LINGO2: variants seen among roughly 807,000 people sequenced by gnomAD.
LINGO2 encodes the protein leucine rich repeat and Ig domain containing 2.
LINGO2 carries 14 observed loss-of-function variants against 30.6 expected under a neutral mutation model. The observed-to-expected ratio is 0.46, with a 90% CI of 0.30 to 0.72. The LOEUF (loss-of-function observed/expected upper bound fraction) is 0.72. Among genes scored for constraint, LINGO2 ranks in the 30% least tolerant of loss-of-function variants. The pLI, the probability that LINGO2 is intolerant of heterozygous loss-of-function variation, is 0.07. For missense variants in LINGO2, 729 were observed against 751.7 expected, an observed-to-expected ratio of 0.97 and a Z score of 0.35; for synonymous variants, 317 against 288.5, an observed-to-expected ratio of 1.10 and a Z score of -1.00.
chr9:28,338,007 G>A (rs943333554), intron 3 of LINGO2, among the ~76,000 whole-genome samples: 4 of 152,106 alleles, frequency 2.6e-5, no homozygotes, highest in Non-Finnish European at 5.9e-5. Flanking sequence ...ACCCCAGAAT[G>A]GTATATCCAC....
At chr9:28,884,924 TATA>T in the LINGO2 span, among the ~76,000 whole-genome samples, 140 of 4,108 alleles carry the variant, frequency 0.034, 11 homozygotes, top group South Asian at 0.061. Flanking sequence ...AGATACTATA[TATA>T]ATATTATATA....
At chr9:27,953,526 G>A in intron 5 of LINGO2, among the ~76,000 whole-genome samples, 1 of 151,890 alleles carries the variant, frequency 6.6e-6, no homozygotes, top group East Asian at 1.9e-4. Context: ...CACATGTTGT[G>A]GGAGGTAACT....
chr9:28,414,078 A>AG (rs1204917079), intron 2 of LINGO2, among the ~76,000 whole-genome samples: 1 of 152,034 alleles, frequency 6.6e-6, no homozygotes, highest in Non-Finnish European at 1.5e-5. Context: ...TTTTTAAAAA[A>AG]TATTTTTGAC....
At chr9:29,182,361 T>C in the LINGO2 span, among the ~76,000 whole-genome samples, 8 of 152,094 alleles carry the variant, frequency 5.3e-5, no homozygotes, top group Admixed American at 3.9e-4. Flanking sequence ...TTAGGTATGG[T>C]AAGATTTAAG....
intron 2 of LINGO2, among the ~76,000 whole-genome samples, chr9:28,383,332 A>T (rs971063863): frequency 2.6e-5 from 4 of 151,740 alleles, no homozygotes; most frequent in Middle Eastern, 6.3e-3. Flanking sequence ...ATATCTGTAT[A>T]TAGTCCCTCT....
At chr9:28,305,651 T>A (rs1328627522) in intron 3 of LINGO2, among the ~76,000 whole-genome samples, 1 of 152,050 alleles carries the variant, frequency 6.6e-6, no homozygotes, top group Non-Finnish European at 1.5e-5. Flanking sequence ...GATGACTCTT[T>A]CACAACGTAC....
At chr9:28,515,821 A>T (rs1820598801) in intron 1 of LINGO2, among the ~76,000 whole-genome samples, 1 of 152,220 alleles carries the variant, frequency 6.6e-6, no homozygotes, top group Non-Finnish European at 1.5e-5. Context: ...TTTTAAAAGA[A>T]GTTTTATGTG....
chr9:29,074,724 C>T, the LINGO2 span, among the ~76,000 whole-genome samples: 33 of 134,670 alleles, frequency 2.5e-4, no homozygotes, highest in South Asian at 2.1e-3. Flanking sequence ...CTCGCTCTCT[C>T]GCCCAGGCTG....
chr9:28,658,196 C>T (rs1478152407), intron 1 of LINGO2, among the ~76,000 whole-genome samples: 1 of 151,988 alleles, frequency 6.6e-6, no homozygotes, highest in Non-Finnish European at 1.5e-5. Context: ...ATTCCATATG[C>T]ACTTGAGAAA....
exon 6 of LINGO2, chr9:27,949,674 A>G (rs376500553): frequency 6.2e-7 from 1 of 1,614,032 alleles, no homozygotes; most frequent in Non-Finnish European, 8.5e-7. Context: ...CAAAGTTTCC[A>G]GCAGGTTCTG....
chr9:28,215,970 G>A (rs1341763545), intron 4 of LINGO2, among the ~76,000 whole-genome samples: 1 of 151,782 alleles, frequency 6.6e-6, no homozygotes, highest in Non-Finnish European at 1.5e-5. Context: ...ATGGCATGGA[G>A]TTTTAAATTG....
chr9:29,083,876 T>C, the LINGO2 span, among the ~76,000 whole-genome samples: 2 of 152,032 alleles, frequency 1.3e-5, no homozygotes, highest in Non-Finnish European at 2.9e-5. Flanking sequence ...GGATCAGCCA[T>C]AATATTAACT....
At chr9:29,212,569 T>C in the LINGO2 span, among the ~76,000 whole-genome samples, 1 of 152,074 alleles carries the variant, frequency 6.6e-6, no homozygotes, top group Non-Finnish European at 1.5e-5. Context: ...TCTATGGCAA[T>C]TGGGGGTGGG....
At chr9:28,993,797 G>A in the LINGO2 span, among the ~76,000 whole-genome samples, 1 of 151,820 alleles carries the variant, frequency 6.6e-6, no homozygotes, top group Non-Finnish European at 1.5e-5. Flanking sequence ...TGCAAAAAAG[G>A]CCTTGGAGAA....
chr9:28,701,199 G>A, the LINGO2 span, among the ~76,000 whole-genome samples: 1 of 151,640 alleles, frequency 6.6e-6, no homozygotes, highest in Non-Finnish European at 1.5e-5. Flanking sequence ...CATGAATTGT[G>A]CCTTTGGTGT....
At chr9:28,316,141 T>C (rs1014918040) in intron 3 of LINGO2, among the ~76,000 whole-genome samples, 3 of 152,058 alleles carry the variant, frequency 2.0e-5, no homozygotes, top group Admixed American at 6.5e-5. Context: ...ACTTGTCATA[T>C]ATTAATAATA....
At position 28,047,802 on chromosome 9, in the gene LINGO2, A is replaced by AT. The variant is rs1468498378; in HGVS notation, c.-86-35398dup. 5.7e-4 allele frequency among the ~76,000 whole-genome samples: 7 copies of AT among 12,340 alleles called. 1 individual carries two copies. Among genetic ancestry groups the AT allele is most frequent in the African/African-American group, 6.3e-4 (6 of 9,518 alleles). 8.1% of individuals were successfully genotyped at this position (12,340 alleles called of 152,430 possible). A position where few individuals can be genotyped will look rare whatever the true frequency, so the allele number is the denominator to read the frequency against. The stretch of plus-strand genomic sequence containing the variant: ...ATACTGAACAAGAAAAGAGCAAAGT[A>AT]TTTTTTTTACAGAAACCTATAAATC... On this transcript the variant is annotated intron_variant, in intron 4 of 5. Coordinates refer to ENST00000379992, the Ensembl canonical transcript of LINGO2.
At chr9:28,727,867 G>C in the LINGO2 span, among the ~76,000 whole-genome samples, 1 of 152,094 alleles carries the variant, frequency 6.6e-6, no homozygotes, top group South Asian at 2.1e-4. Flanking sequence ...AGGGTGAGGT[G>C]GTAGGTGCAG....
chr9:28,050,789 A>C (rs889735022), intron 4 of LINGO2, among the ~76,000 whole-genome samples: 1 of 150,914 alleles, frequency 6.6e-6, no homozygotes, highest in African/African-American at 2.4e-5. Context: ...CATGTAATTC[A>C]TACATGTTGA....
Sources: gnomAD v4.1 joint callset for allele counts (sites outside exome capture counted in the v4.1 genomes callset) on GRCh38, gnomAD v4.1.1 for gene constraint, MANE v1.5 for transcripts, NCBI Gene and HGNC (gene_info 2026-07-23, HGNC 2026-07-21) for gene names.